TMEM170A: variants seen among roughly 807,000 people sequenced by gnomAD.
TMEM170A encodes transmembrane protein 170A.
Under a neutral mutation model 12.8 loss-of-function variants are expected in TMEM170A, and 18 were observed. The observed-to-expected ratio is 1.41, with a 90% CI of 0.97 to 2.09. The LOEUF (loss-of-function observed/expected upper bound fraction) is 2.09, where lower values mean the gene tolerates loss of function less well. Ranked by LOEUF, TMEM170A falls within the 30% of genes most tolerant of loss-of-function variation. TMEM170A has a pLI of 0.00. For synonymous variants in TMEM170A, 107 were observed against 76.2 expected, an observed-to-expected ratio of 1.40 and a Z score of -2.11; for missense variants, 220 against 179.9, an observed-to-expected ratio of 1.22 and a Z score of -1.28.
chr16:75,451,794 AAG>A lies in TMEM170A; in HGVS notation c.177_178del (p.Phe60LeufsTer20). 6.2e-7 allele frequency: 1 copy of A among 1,614,094 alleles called. No homozygotes were observed. The highest frequency in any genetic ancestry group is 8.5e-7 in the Non-Finnish European group (1 of 1,180,022). ...CAGTAATCCAGCAGGGACATGAAAG[AAG>A]AGAGAAGACACCAGTGCCCACAGGA... is the stretch of plus-strand genomic sequence containing the variant. On this transcript the variant is annotated frameshift_variant, in exon 2 of 3. Transcript: ENST00000561878. LOFTEE classifies it high-confidence loss of function.
chr16:75,450,678 C>CG (rs774636344), intron 2 of TMEM170A, among the ~76,000 whole-genome samples: 5 of 151,778 alleles, frequency 3.3e-5, no homozygotes, highest in Non-Finnish European at 4.4e-5. Context: ...TTTTTTCCCC[C>CG]GGGTCTTGCT....
At chr16:75,460,231 C>G (rs565905980) in intron 1 of TMEM170A, among the ~76,000 whole-genome samples, 1 of 152,142 alleles carries the variant, frequency 6.6e-6, no homozygotes, top group African/African-American at 2.4e-5. Context: ...GTACAAAGAA[C>G]GTTTCTTCTC....
chr16:75,449,831 G>C (rs2079651327), intron 2 of TMEM170A, among the ~76,000 whole-genome samples: 1 of 152,158 alleles, frequency 6.6e-6, no homozygotes, highest in South Asian at 2.1e-4. Flanking sequence ...TGGATAGAAA[G>C]AAGCTTAAGG....
intron 1 of TMEM170A, among the ~76,000 whole-genome samples, chr16:75,461,651 G>A (rs1250121873): frequency 6.6e-6 from 1 of 152,192 alleles, no homozygotes; most frequent in Non-Finnish European, 1.5e-5. Context: ...TCCTGCCAAA[G>A]ATGAGACACA....
chr16:75,452,936 T>C (rs936197337), intron 1 of TMEM170A, among the ~76,000 whole-genome samples: 1 of 152,182 alleles, frequency 6.6e-6, no homozygotes, highest in Non-Finnish European at 1.5e-5. Flanking sequence ...CACATACTTA[T>C]TCAACCCATG....
chr16:75,447,883 T>G (rs892469126), intron 2 of TMEM170A, among the ~76,000 whole-genome samples, 195 bp from the exon 3 acceptor site: 1 of 152,218 alleles, frequency 6.6e-6, no homozygotes, highest in Non-Finnish European at 1.5e-5. Flanking sequence ...ATTGCATGGC[T>G]TGCAAGATCA....
In TMEM170A at chr16:75,445,406, C is replaced by A. The variant is rs930447695; in HGVS notation, c.*2152G>T. ...CTCACAGCAGCCTGAACCTCCCAGG[C>A]ACAAGTGATCCTCCCACTTTAGCCT... On this transcript the variant is annotated 3_prime_UTR_variant, in exon 3 of 3. Transcript: ENST00000561878. 22 of 152,342 alleles carry A rather than the reference C, an allele frequency of 1.4e-4. No individual in the cohort carries two copies. Among genetic ancestry groups the A allele is most frequent in the African/African-American group, 5.1e-4 (21 of 41,576 alleles). 9.4% of individuals were successfully genotyped at this position (152,342 alleles called of 1,614,324 possible). A position where few individuals can be genotyped will look rare whatever the true frequency, so the allele number is the denominator to read the frequency against.
intron 1 of TMEM170A, among the ~76,000 whole-genome samples, chr16:75,462,211 T>C (rs1014940959): frequency 8.5e-5 from 13 of 152,218 alleles, no homozygotes; most frequent in Admixed American, 7.2e-4. Flanking sequence ...AAGATACAAA[T>C]TGACATTCAA....
chr16:75,457,756 A>G (rs914087522), intron 1 of TMEM170A, among the ~76,000 whole-genome samples: 2 of 152,328 alleles, frequency 1.3e-5, no homozygotes, highest in African/African-American at 2.4e-5. Flanking sequence ...CGTCCGGCAT[A>G]CACAGCAGGC....
chr16:75,462,573 G>C (rs8052996), intron 1 of TMEM170A, among the ~76,000 whole-genome samples: 93 of 152,302 alleles, frequency 6.1e-4, no homozygotes, highest in African/African-American at 2.2e-3. Flanking sequence ...GTAGCGTTCT[G>C]ACCAAAAATG....
chr16:75,456,965 G>T (rs899463597), intron 1 of TMEM170A, among the ~76,000 whole-genome samples: 1 of 152,218 alleles, frequency 6.6e-6, no homozygotes, highest in Non-Finnish European at 1.5e-5. Context: ...AAATCAATCT[G>T]ATCCTGACTA....
chr16:75,461,263 A>G (rs1304039178), intron 1 of TMEM170A, among the ~76,000 whole-genome samples: 1 of 151,602 alleles, frequency 6.6e-6, no homozygotes, highest in Non-Finnish European at 1.5e-5. Context: ...CACGTTGGCC[A>G]GGCTAGTCTT....
chr16:75,454,482 A>ACACACACACAC (rs1555572635), intron 1 of TMEM170A, among the ~76,000 whole-genome samples: 1 of 151,278 alleles, frequency 6.6e-6, no homozygotes, highest in Non-Finnish European at 1.5e-5. Context: ...ACACACACAC[A>ACACACACACAC]AAATTAGCCG....
intron 1 of TMEM170A, among the ~76,000 whole-genome samples, chr16:75,455,202 A>T (rs2079767710): frequency 6.6e-6 from 1 of 152,108 alleles, no homozygotes; most frequent in African/African-American, 2.4e-5. Context: ...CTAAAAATAC[A>T]AAGAATTAGC....
chr16:75,452,245 C>T (rs539549580), intron 1 of TMEM170A, among the ~76,000 whole-genome samples: 30 of 152,102 alleles, frequency 2.0e-4, no homozygotes, highest in African/African-American at 7.2e-4. Flanking sequence ...GCTGGGATTA[C>T]AGGCGTGAGC....
At chr16:75,462,298 C>T (rs1274863405) in intron 1 of TMEM170A, among the ~76,000 whole-genome samples, 1 of 152,246 alleles carries the variant, frequency 6.6e-6, no homozygotes, top group Non-Finnish European at 1.5e-5. Context: ...TGGCTCACTG[C>T]AACCTCTGCC....
chr16:75,457,438 C>CCT (rs764100916), intron 1 of TMEM170A, among the ~76,000 whole-genome samples: 6 of 151,974 alleles, frequency 3.9e-5, no homozygotes, highest in Admixed American at 3.9e-4. Flanking sequence ...TCTCTTGATA[C>CCT]CTCTCTCTCT....
chr16:75,464,681 C>T lies in TMEM170A; in HGVS notation c.-81G>A. ...GCCGGCGCCGACTCACCCTCGCCGC[C>T]TCAGCGTCACCTCCAGCCGGGGTCC... is the stretch of plus-strand genomic sequence containing the variant. On this transcript the variant is annotated 5_prime_UTR_variant, in exon 1 of 3. Coordinates refer to ENST00000561878, the MANE Select transcript of TMEM170A (RefSeq NM_145254.3). The T allele has an allele frequency of 8.7e-6, 13 of 1,502,674 alleles. No homozygotes were observed. The highest frequency in any genetic ancestry group is 1.1e-5 in the Non-Finnish European group (13 of 1,133,490). The allele number at this position is 1,502,674 out of a possible 1,614,324, so 93.1% of individuals were successfully genotyped here. A position where few individuals can be genotyped will look rare whatever the true frequency, so the allele number is the denominator to read the frequency against.
At chr16:75,461,399 C>G (rs2079906241) in intron 1 of TMEM170A, among the ~76,000 whole-genome samples, 1 of 152,122 alleles carries the variant, frequency 6.6e-6, no homozygotes, top group Non-Finnish European at 1.5e-5. Context: ...AGGTAAATGG[C>G]TAAACTGCAA....
Sources: allele counts gnomAD v4.1 joint callset (sites outside exome capture counted in the v4.1 genomes callset), GRCh38; gene constraint gnomAD v4.1.1; transcripts MANE v1.5; gene names NCBI Gene and HGNC (gene_info 2026-07-23, HGNC 2026-07-21).